ERGIC2: variants seen among roughly 807,000 people sequenced by gnomAD.
The protein encoded by ERGIC2 is ERGIC and golgi 2.
A neutral mutation model predicts 52.5 loss-of-function variants in ERGIC2; 31 were observed. The ratio of observed to expected loss-of-function variants is 0.59; its 90% CI spans 0.44 to 0.80. The LOEUF (loss-of-function observed/expected upper bound fraction) is 0.80, where lower values mean the gene tolerates loss of function less well. Ranked by LOEUF, ERGIC2 falls within the 30% of genes least tolerant of loss-of-function variation. The pLI is 0.00. For synonymous variants in ERGIC2, 129 were observed against 140.6 expected, an observed-to-expected ratio of 0.92 and a Z score of 0.58; for missense variants, 395 against 455.2, an observed-to-expected ratio of 0.87 and a Z score of 1.20.
rs1295813158 is a variant in ERGIC2 at position 29,341,214 on chromosome 12, G to C, written c.1076C>G (p.Pro359Arg). 1 of 1,606,570 alleles carries C rather than the reference G, an allele frequency of 6.2e-7. No homozygotes were observed. The highest frequency in any genetic ancestry group is 8.5e-7 in the Non-Finnish European group (1 of 1,175,622). The stretch of plus-strand genomic sequence containing the variant: ...GTTGTCTGTGTGGCCATCCTCAAAA[G>C]GAACCTAAGGAGAAAAGGAGGGAAA... ...LGSYKPVNSVPFEDGHTDNHL... is the reference protein window; with the variant it reads ...LGSYKPVNSVRFEDGHTDNHL... Residue 359 changes from proline (P) to arginine (R), a missense_variant, in exon 14 of 14, where the codon CCT becomes CGT. Coordinates refer to ENST00000360150, the MANE Select transcript of ERGIC2 (RefSeq NM_016570.3).
rs549322300 is a variant in ERGIC2, at chr12:29,350,075, G to A, written c.573-7C>T. ...ACGAGGATGTGGAATTGCCCTGAAAGGAGAAAAAACAATTATTAAAGTAGT... is the reference window on the plus strand; with the variant it reads ...ACGAGGATGTGGAATTGCCCTGAAAAGAGAAAAAACAATTATTAAAGTAGT... On this transcript the variant is annotated splice_region_variant and splice_polypyrimidine_tract_variant and intron_variant, in intron 8 of 13. Transcript: ENST00000360150. 8.8e-6 allele frequency: 14 copies of A among 1,582,832 alleles called. No homozygotes were observed. The East Asian group carries it at 2.5e-4, about 28-fold the overall frequency.
intron 6 of ERGIC2, among the ~76,000 whole-genome samples, chr12:29,358,277 T>C (rs560918534): frequency 1.3e-5 from 2 of 152,340 alleles, no homozygotes; most frequent in South Asian, 4.1e-4. Context: ...TCATTAGATG[T>C]AGTCCTATTT....
rs1318578655 is a variant in ERGIC2 at position 29,370,096 on chromosome 12, A to G, written c.215+18T>C. 1 of 1,490,126 alleles carries G rather than the reference A, an allele frequency of 6.7e-7. No individual in the cohort carries two copies. Among genetic ancestry groups the G allele is most frequent in the Non-Finnish European group, 8.9e-7 (1 of 1,129,642 alleles). 92.3% of individuals were successfully genotyped at this position (1,490,126 alleles called of 1,614,324 possible). On this transcript the variant is annotated intron_variant, in intron 3 of 13. Coordinates refer to ENST00000360150, the MANE Select transcript of ERGIC2 (RefSeq NM_016570.3). Reference sequence around the variant, plus strand: ...AATTTGAATCTAAAGGTATTCCAAGAAGAAAAAAAATGATTACCTAGAAAA... The same window carrying G: ...AATTTGAATCTAAAGGTATTCCAAGGAGAAAAAAAATGATTACCTAGAAAA...
At chr12:29,352,671 TAAAC>T (rs1378130719) in intron 8 of ERGIC2, among the ~76,000 whole-genome samples, 6 of 151,864 alleles carry the variant, frequency 4.0e-5, no homozygotes, top group African/African-American at 4.8e-5. Flanking sequence ...CTCAAAAAAA[TAAAC>T]AAACAAATAA....
In ERGIC2 at chr12:29,337,598, CCTCT is replaced by C. The variant is rs1251335993; in HGVS notation, c.*3554_*3557del. On this transcript the variant is annotated 3_prime_UTR_variant, in exon 14 of 14. Coordinates refer to ENST00000360150, the MANE Select transcript of ERGIC2 (RefSeq NM_016570.3). The stretch of plus-strand genomic sequence containing the variant: ...CCATAAGGTAGTAAACAACTGGTGA[CCTCT>C]CTATTTTGATTGTGTTGAAAAAGGG... 3 of 152,102 alleles carry C rather than the reference CCTCT, an allele frequency of 2.0e-5. No homozygotes were observed. The highest frequency in any genetic ancestry group is 4.4e-5 in the Non-Finnish European group (3 of 68,036). The allele number at this position is 152,102 out of a possible 1,614,324, so 9.4% of individuals were successfully genotyped here. A position where few individuals can be genotyped will look rare whatever the true frequency, so the allele number is the denominator to read the frequency against.
chr12:29,355,361 ATAAAT>A (rs2136862071), intron 8 of ERGIC2, among the ~76,000 whole-genome samples: 1 of 152,336 alleles, frequency 6.6e-6, no homozygotes, highest in Non-Finnish European at 1.5e-5. Flanking sequence ...TTGGAATAAA[ATAAAT>A]TAAAAAGGGC....
chr12:29,357,573 T>G, intron 7 of ERGIC2, 50 bp downstream of exon 7: 1 of 978,588 alleles, frequency 1.0e-6, no homozygotes, highest in Non-Finnish European at 1.6e-6. Flanking sequence ...TTTAACTATG[T>G]CAAAGTAAAT....
chr12:29,358,628 G>A (rs1591993351), intron 6 of ERGIC2, among the ~76,000 whole-genome samples: 1 of 152,178 alleles, frequency 6.6e-6, no homozygotes, highest in Admixed American at 6.6e-5. Context: ...AGCGGGACGG[G>A]TATATAGGAA....
intron 2 of ERGIC2, 29 bp from the exon 3 acceptor site, chr12:29,370,251 A>G: frequency 6.6e-7 from 1 of 1,521,608 alleles, no homozygotes; most frequent in Non-Finnish European, 8.7e-7. Flanking sequence ...AAAGAAAAAC[A>G]GAATTAAAAC....
chr12:29,339,779 A>G lies in ERGIC2; in HGVS notation c.*1377T>C, dbSNP rs1281758676. On this transcript the variant is annotated 3_prime_UTR_variant, in exon 14 of 14. Coordinates refer to ENST00000360150, the MANE Select transcript of ERGIC2 (RefSeq NM_016570.3). ...TTATCTTTAAAAAAATCCATTTGAAAAACTGTTACTTGTGATATCCTGTTT... is the reference window on the plus strand; with the variant it reads ...TTATCTTTAAAAAAATCCATTTGAAGAACTGTTACTTGTGATATCCTGTTT... 1 of 152,134 alleles carries G rather than the reference A, an allele frequency of 6.6e-6. No individual in the cohort carries two copies. The highest frequency in any genetic ancestry group is 1.9e-4 in the East Asian group (1 of 5,198). The allele number at this position is 152,134 out of a possible 1,614,324, so 9.4% of individuals were successfully genotyped here. A position where few individuals can be genotyped will look rare whatever the true frequency, so the allele number is the denominator to read the frequency against.
intron 5 of ERGIC2, 141 bp from the exon 6 acceptor site, chr12:29,361,826 T>C (rs1565541268): frequency 1.3e-5 from 7 of 527,430 alleles, no homozygotes; most frequent in Non-Finnish European, 1.6e-5. Flanking sequence ...ATTCAACTTC[T>C]ATAAGTCAAA....
Position 29,337,538 on chromosome 12 carries a change from G to A in ERGIC2, c.*3618C>T, listed in dbSNP as rs750831556. The stretch of plus-strand genomic sequence containing the variant: ...TGCTTTGATTGCATCATCACAATAT[G>A]GGGGGGATACATGGATCTTGATCCG... On this transcript the variant is annotated 3_prime_UTR_variant, in exon 14 of 14. Transcript: ENST00000360150. 6.6e-6 allele frequency: 1 copy of A among 151,900 alleles called. No individual in the cohort carries two copies. Among genetic ancestry groups the A allele is most frequent in the African/African-American group, 2.4e-5 (1 of 41,420 alleles). 9.4% of individuals were successfully genotyped at this position (151,900 alleles called of 1,614,324 possible). A position where few individuals can be genotyped will look rare whatever the true frequency, so the allele number is the denominator to read the frequency against.
At chr12:29,351,333 C>T (rs1027374175) in intron 8 of ERGIC2, among the ~76,000 whole-genome samples, 1 of 152,138 alleles carries the variant, frequency 6.6e-6, no homozygotes, top group African/African-American at 2.4e-5. Flanking sequence ...CACACACCAC[C>T]ATCAGTTATA....
rs1039950031 is a variant in ERGIC2, at chr12:29,377,761, T to C, written c.-38+3354A>G. 2.6e-5 allele frequency among the ~76,000 whole-genome samples: 4 copies of C among 152,338 alleles called. No homozygotes were observed. In the East Asian group the frequency reaches 7.7e-4, roughly 29 times the overall value. ...GTAAAGTCACACAGCCTATATTTCA[T>C]CATTGTATCCATCTGAATATAATGA... On this transcript the variant is annotated intron_variant, in intron 1 of 13. Coordinates refer to ENST00000360150, the MANE Select transcript of ERGIC2 (RefSeq NM_016570.3).
chr12:29,360,129 C>T (rs1017852899), intron 6 of ERGIC2, among the ~76,000 whole-genome samples: 2 of 152,026 alleles, frequency 1.3e-5, no homozygotes, highest in African/African-American at 4.8e-5. Context: ...GAAACAAGTA[C>T]TCTAATATAG....
intron 12 of ERGIC2, among the ~76,000 whole-genome samples, chr12:29,342,261 G>A: frequency 6.6e-6 from 1 of 152,210 alleles, no homozygotes; most frequent in African/African-American, 2.4e-5. Flanking sequence ...TGATCCGCCA[G>A]CCTTGGCCTC....
intron 1 of ERGIC2, 96 bp downstream of exon 1, chr12:29,381,019 C>T (rs1225041663): frequency 6.6e-6 from 1 of 152,266 alleles, no homozygotes; most frequent in Non-Finnish European, 1.5e-5. Flanking sequence ...GAAGCCAAGC[C>T]CATGACAGGC....
chr12:29,340,891 A>G lies in ERGIC2; in HGVS notation c.*265T>C, dbSNP rs1336355142. 13 of 499,140 alleles carry G rather than the reference A, an allele frequency of 2.6e-5. No individual in the cohort carries two copies. Among genetic ancestry groups the G allele is most frequent in the South Asian group, 1.6e-4 (9 of 55,390 alleles). The allele number at this position is 499,140 out of a possible 1,614,324, so 30.9% of individuals were successfully genotyped here. A position where few individuals can be genotyped will look rare whatever the true frequency, so the allele number is the denominator to read the frequency against. On this transcript the variant is annotated 3_prime_UTR_variant, in exon 14 of 14. Coordinates refer to ENST00000360150, the MANE Select transcript of ERGIC2 (RefSeq NM_016570.3). ...GATACCACCCATTTGCTATGAAAAT[A>G]TAAGAAGGCGTCATCTTCAAAGCAA...
intron 8 of ERGIC2, among the ~76,000 whole-genome samples, chr12:29,353,843 G>A (rs925915483): frequency 1.3e-5 from 2 of 151,944 alleles, no homozygotes; most frequent in East Asian, 3.9e-4. Context: ...ACAGATGACT[G>A]TAGTTATCTG....
Sources: allele counts gnomAD v4.1 joint callset (sites outside exome capture counted in the v4.1 genomes callset), GRCh38; gene constraint gnomAD v4.1.1; transcripts MANE v1.5; gene names NCBI Gene and HGNC (gene_info 2026-07-23, HGNC 2026-07-21).